FARP1: variants seen among roughly 807,000 people sequenced by gnomAD.
The protein encoded by FARP1 is FERM, ARHGEF and pleckstrin domain-containing protein 1.
Under a neutral mutation model 128.8 loss-of-function variants are expected in FARP1, and 52 were observed. The observed-to-expected ratio is 0.40, with a 90% CI of 0.32 to 0.51. The LOEUF (loss-of-function observed/expected upper bound fraction) is 0.51, where lower values mean the gene tolerates loss of function less well. FARP1 is among the 20% of genes least tolerant of loss of function. The pLI is 0.45. For missense variants in FARP1, 1,333 were observed against 1,367.9 expected (o/e 0.97, Z 0.40); for synonymous variants, 580 against 551.8 (o/e 1.05, Z -0.72).
chr13:98,308,492 G>T (rs1251158912), intron 2 of FARP1, among the ~76,000 whole-genome samples: 2 of 152,116 alleles, frequency 1.3e-5, no homozygotes, highest in African/African-American at 4.8e-5. Flanking sequence ...TGGAGCCGCT[G>T]TCCAGGACAG....
intron 1 of FARP1, among the ~76,000 whole-genome samples, chr13:98,188,735 C>T (rs974963688): frequency 3.3e-5 from 5 of 152,162 alleles, no homozygotes; most frequent in African/African-American, 9.7e-5. Context: ...GCGGTGTCCA[C>T]ACCCCCTGCA....
chr13:98,187,551 G>C (rs949950987), intron 1 of FARP1, among the ~76,000 whole-genome samples: 10 of 152,180 alleles, frequency 6.6e-5, no homozygotes, highest in Non-Finnish European at 1.5e-4. Flanking sequence ...GAGAAATAGA[G>C]AAAGTCTTGG....
chr13:98,398,479 A>G (rs1890640605), intron 13 of FARP1: 1 of 152,218 alleles, frequency 6.6e-6, no homozygotes, highest in South Asian at 2.1e-4. Context: ...CCTCGTCTCT[A>G]GGCTTCACTT....
In FARP1 at chr13:98,365,034, A is replaced by G. The variant is rs549136149; in HGVS notation, c.277-361A>G. On this transcript the variant is annotated intron_variant, in intron 3 of 26. Transcript: ENST00000319562. ...CTCACACATCTATGTATTCTGTTTC[A>G]ATAAGGAATGTACGTATTTCACTCG... Among the ~76,000 whole-genome samples the G allele has an allele frequency of 4.6e-5, 7 of 152,374 alleles. No individual in the cohort carries two copies. In the South Asian group the frequency reaches 1.4e-3, roughly 32 times the overall value.
At chr13:98,290,712 T>C (rs1885409323) in intron 2 of FARP1, among the ~76,000 whole-genome samples, 2 of 151,998 alleles carry the variant, frequency 1.3e-5, no homozygotes, top group Admixed American at 1.3e-4. Context: ...CGTACTGGTG[T>C]AGGTGGTGGG....
Position 98,451,090 on chromosome 13 carries a change from C to A in FARP1, c.*2773C>A, listed in dbSNP as rs142590209. Reference sequence around the variant, plus strand: ...GAACCCAGTCCCTCGAGCGGCTCACCCACTGTTACTAGCATGAGACTGGCT... The same window carrying A: ...GAACCCAGTCCCTCGAGCGGCTCACACACTGTTACTAGCATGAGACTGGCT... On this transcript the variant is annotated 3_prime_UTR_variant, in exon 27 of 27. Coordinates refer to ENST00000319562, the MANE Select transcript of FARP1 (RefSeq NM_005766.4). 3 of 152,286 alleles carry A rather than the reference C, an allele frequency of 2.0e-5. No individual in the cohort carries two copies. The highest frequency in any genetic ancestry group is 7.2e-5 in the African/African-American group (3 of 41,562). The allele number at this position is 152,286 out of a possible 1,614,324, so 9.4% of individuals were successfully genotyped here. A position where few individuals can be genotyped will look rare whatever the true frequency, so the allele number is the denominator to read the frequency against.
rs901108495 is a variant in FARP1 at position 98,453,229 on chromosome 13, G to A, written c.*4912G>A. 3 of 1,610,918 alleles carry A rather than the reference G, an allele frequency of 1.9e-6. No homozygotes were observed. Among genetic ancestry groups the A allele is most frequent in the African/African-American group, 2.7e-5 (2 of 74,774 alleles). ...GAGTATCTAGGGAAAAAGAGAGAGAGAGAAGTCAACACATGTCATTTCTCA... is the reference window on the plus strand; with the variant it reads ...GAGTATCTAGGGAAAAAGAGAGAGAAAGAAGTCAACACATGTCATTTCTCA... On this transcript the variant is annotated 3_prime_UTR_variant, in exon 27 of 27. Coordinates refer to ENST00000319562, the MANE Select transcript of FARP1 (RefSeq NM_005766.4).
intron 2 of FARP1, among the ~76,000 whole-genome samples, chr13:98,308,031 CTCTTTTTTTTTTTTTTTTT>C (rs1293811864): frequency 0.027 from 285 of 10,536 alleles, 17 homozygotes; most frequent in East Asian, 0.22. Flanking sequence ...CCCACTCTCT[CTCTTTTTTTTTTTTTTTTT>C]TTTTTTTTTT....
At chr13:98,395,660 C>A in intron 13 of FARP1, 184 bp downstream of exon 13, 1 of 705,790 alleles carries the variant, frequency 1.4e-6, no homozygotes, top group Non-Finnish European at 2.2e-6. Context: ...TATCTGCTGT[C>A]CAGGGAGGAG....
chr13:98,158,812 T>C (rs9584764), intron 1 of FARP1, among the ~76,000 whole-genome samples: 13,070 of 152,110 alleles, frequency 0.086, 724 homozygotes, highest in African/African-American at 0.16. Flanking sequence ...AAGAAAATTC[T>C]GAGAAATGCA....
rs756745734 is a variant in FARP1 at position 98,450,898 on chromosome 13, G to C, written c.*2581G>C. On this transcript the variant is annotated 3_prime_UTR_variant, in exon 27 of 27. Coordinates refer to ENST00000319562, the MANE Select transcript of FARP1 (RefSeq NM_005766.4). ...CTACAGAAAGTAACAGCCCAGGAGA[G>C]AATGTACACAGAGGCGAGCTTTCTA... The C allele has an allele frequency of 6.6e-6, 1 of 152,192 alleles. No individual in the cohort carries two copies. Among genetic ancestry groups the C allele is most frequent in the African/African-American group, 2.4e-5 (1 of 41,442 alleles). The allele number at this position is 152,192 out of a possible 1,614,324, so 9.4% of individuals were successfully genotyped here. A position where few individuals can be genotyped will look rare whatever the true frequency, so the allele number is the denominator to read the frequency against.
chr13:98,303,004 G>A (rs1051922368), intron 2 of FARP1, among the ~76,000 whole-genome samples: 30 of 152,118 alleles, frequency 2.0e-4, no homozygotes, highest in Non-Finnish European at 3.8e-4. Context: ...TGAATTTTGC[G>A]GGCCCACTCT....
At chr13:98,261,589 TG>T (rs1347225661) in intron 2 of FARP1, among the ~76,000 whole-genome samples, 1 of 151,572 alleles carries the variant, frequency 6.6e-6, no homozygotes, top group Admixed American at 6.6e-5. Flanking sequence ...ATAAATTATG[TG>T]TGGGAAGGAA....
At chr13:98,275,954 C>G (rs1353607715) in intron 2 of FARP1, among the ~76,000 whole-genome samples, 1 of 152,176 alleles carries the variant, frequency 6.6e-6, no homozygotes, top group Non-Finnish European at 1.5e-5. Flanking sequence ...GTGAAACTGA[C>G]AAAGGTCGGC....
intron 17 of FARP1, among the ~76,000 whole-genome samples, chr13:98,430,834 A>G (rs998730538): frequency 6.6e-6 from 1 of 152,250 alleles, no homozygotes; most frequent in African/African-American, 2.4e-5. Context: ...TAAACTGCTC[A>G]GTACCTTAAT....
intron 2 of FARP1, among the ~76,000 whole-genome samples, chr13:98,238,944 C>CA (rs1882606223): frequency 6.6e-6 from 1 of 152,116 alleles, no homozygotes; most frequent in Non-Finnish European, 1.5e-5. Context: ...CTTGAGGTAG[C>CA]AAAATAACTA....
Position 98,453,242 on chromosome 13 carries a change from A to T in FARP1, c.*4925A>T. 6.2e-7 allele frequency: 1 copy of T among 1,606,068 alleles called. No individual in the cohort carries two copies. The highest frequency in any genetic ancestry group is 1.3e-5 in the African/African-American group (1 of 74,744). On this transcript the variant is annotated 3_prime_UTR_variant, in exon 27 of 27. Transcript: ENST00000319562. ...AAAAGAGAGAGAGAGAAGTCAACACATGTCATTTCTCATCCCTGTGCAAAA... is the reference window on the plus strand; with the variant it reads ...AAAAGAGAGAGAGAGAAGTCAACACTTGTCATTTCTCATCCCTGTGCAAAA...
intron 2 of FARP1, among the ~76,000 whole-genome samples, chr13:98,247,267 C>T (rs959265051): frequency 2.6e-5 from 4 of 152,212 alleles, no homozygotes; most frequent in African/African-American, 9.6e-5. Flanking sequence ...TTCCTTTCTA[C>T]ACCTAGAAGA....
chr13:98,282,679 C>T lies in FARP1; in HGVS notation c.172-61083C>T, dbSNP rs150362306. Among the ~76,000 whole-genome samples, 1,022 of 152,186 alleles carry T rather than the reference C, an allele frequency of 6.7e-3. 17 individuals are homozygous for T. The highest frequency in any genetic ancestry group is 0.023 in the African/African-American group (964 of 41,512). On this transcript the variant is annotated intron_variant, in intron 2 of 26. Transcript: ENST00000319562. ...CAGCACTTTGAGAGGCCGAGGCAGG[C>T]GGATCACAAAGTCAAAAGATCGAGA...
Sources: allele counts gnomAD v4.1 joint callset (sites outside exome capture counted in the v4.1 genomes callset), GRCh38; gene constraint gnomAD v4.1.1; transcripts MANE v1.5; gene names NCBI Gene and HGNC (gene_info 2026-07-23, HGNC 2026-07-21).